The following RRAGD variants were observed in gnomAD, a reference collection of about 807,000 sequenced individuals.
RRAGD encodes Ras related GTP binding D.
A neutral mutation model predicts 35.5 loss-of-function variants in RRAGD; 12 were observed. The observed-to-expected ratio is 0.34, with a 90% CI of 0.22 to 0.55. The LOEUF (loss-of-function observed/expected upper bound fraction) is 0.55. Among genes scored for constraint, RRAGD ranks in the 20% least tolerant of loss-of-function variants. RRAGD has a pLI of 0.91. For missense variants in RRAGD, 324 were observed against 490.1 expected (o/e 0.66, Z 3.20); for synonymous variants, 155 against 178.9 (o/e 0.87, Z 1.07).
At chr6:89,391,636 T>C (rs1345471411) in intron 1 of RRAGD, among the ~76,000 whole-genome samples, 1 of 152,126 alleles carries the variant, frequency 6.6e-6, no homozygotes, top group Admixed American at 6.5e-5. Context: ...AACTGGTATG[T>C]AGTTTCTTTG....
chr6:89,407,868 C>G (rs149177653), intron 1 of RRAGD, among the ~76,000 whole-genome samples: 1 of 151,962 alleles, frequency 6.6e-6, no homozygotes, highest in Non-Finnish European at 1.5e-5. Context: ...TTCCATTAGA[C>G]TACCCTCTAT....
chr6:89,390,821 C>T (rs991921578), intron 1 of RRAGD, among the ~76,000 whole-genome samples: 4 of 152,090 alleles, frequency 2.6e-5, no homozygotes, highest in Non-Finnish European at 5.9e-5. Context: ...TCACTTGAAC[C>T]TGGGAGGCAG....
Position 89,396,643 on chromosome 6 carries a change from T to G in RRAGD, c.149-9053A>C, listed in dbSNP as rs191738083. On this transcript the variant is annotated intron_variant, in intron 1 of 6. Transcript: ENST00000369415. ...CATGTTGCCCAGGCTGGTCTTGAAC[T>G]CCTGGGCTCAAGCAATCCACCCACC... Among the ~76,000 whole-genome samples, 493 of 151,232 alleles carry G rather than the reference T, an allele frequency of 3.3e-3. 1 individual carries two copies. Among genetic ancestry groups the G allele is most frequent in the African/African-American group, 0.011 (459 of 41,084 alleles).
intron 1 of RRAGD, among the ~76,000 whole-genome samples, chr6:89,397,903 G>A (rs1281009434): frequency 6.6e-6 from 1 of 152,184 alleles, no homozygotes; most frequent in African/African-American, 2.4e-5. Flanking sequence ...TCCCAGCACT[G>A]TGGGAGGCCA....
intron 1 of RRAGD, among the ~76,000 whole-genome samples, chr6:89,408,556 T>C (rs1258927645): frequency 6.6e-6 from 1 of 152,134 alleles, no homozygotes; most frequent in Non-Finnish European, 1.5e-5. Context: ...TCACCCCATC[T>C]ACATCCTTCA....
chr6:89,389,168 A>G (rs181624468), intron 1 of RRAGD, among the ~76,000 whole-genome samples: 73 of 152,302 alleles, frequency 4.8e-4, no homozygotes, highest in African/African-American at 1.6e-3. Context: ...AGAAAGTTCT[A>G]GAGGCCAGCA....
At chr6:89,404,032 G>A (rs530194272) in intron 1 of RRAGD, among the ~76,000 whole-genome samples, 21 of 152,180 alleles carry the variant, frequency 1.4e-4, no homozygotes, top group Non-Finnish European at 2.6e-4. Flanking sequence ...TCCCATATGG[G>A]TTATTACACA....
At chr6:89,381,253 T>C (rs1003864745) in intron 2 of RRAGD, among the ~76,000 whole-genome samples, 8 of 152,230 alleles carry the variant, frequency 5.3e-5, no homozygotes, top group East Asian at 1.9e-4. Flanking sequence ...GTAAGTTTCC[T>C]CTAGAGAAAC....
intron 2 of RRAGD, among the ~76,000 whole-genome samples, chr6:89,381,607 T>G (rs1038039578): frequency 1.3e-5 from 2 of 152,222 alleles, no homozygotes; most frequent in African/African-American, 4.8e-5. Flanking sequence ...TTACATTGTT[T>G]AAAAATGGAA....
Position 89,368,160 on chromosome 6 carries a change from C to A in RRAGD, c.1099G>T (p.Val367Phe), listed in dbSNP as rs766421743. The change falls in exon 7 of 7, where the codon GTT (valine) becomes TTT (phenylalanine). Residue 367 changes from valine to phenylalanine, a missense_variant. By Grantham distance (50) the Val-to-Phe change is conservative. Transcript: ENST00000369415. ...ACTACTTTCATTCTCACCTCAAAAA[C>A]TTCATGAATGGCCTTCCGGAAGCAA... ...FHCFRKAIHEVFEVRMKVVKS... is the reference protein window; with the variant it reads ...FHCFRKAIHEFFEVRMKVVKS... 1.9e-6 allele frequency: 3 copies of A among 1,614,012 alleles called. No homozygotes were observed. The Admixed American group carries it at 5.0e-5, about 27-fold the overall frequency.
chr6:89,404,218 G>A (rs770494854), intron 1 of RRAGD, among the ~76,000 whole-genome samples: 10 of 152,134 alleles, frequency 6.6e-5, no homozygotes, highest in Non-Finnish European at 1.2e-4. Flanking sequence ...ACAAACACAC[G>A]ATTTTGCAGT....
chr6:89,370,976 A>C (rs936699775), intron 6 of RRAGD, among the ~76,000 whole-genome samples: 1 of 151,850 alleles, frequency 6.6e-6, no homozygotes, highest in African/African-American at 2.4e-5. Context: ...TAAACAATGT[A>C]AATTAAGTTT....
At chr6:89,377,895 C>T (rs956272087) in intron 4 of RRAGD, 82 bp from the exon 5 acceptor site, 2 of 1,014,642 alleles carry the variant, frequency 2.0e-6, no homozygotes, top group Non-Finnish European at 2.9e-6. Context: ...GAATGCCATT[C>T]TTAATGTAAA....
chr6:89,387,362 T>C lies in RRAGD; in HGVS notation c.377A>G (p.Asp126Gly). The change falls in exon 2 of 7, where the codon GAC becomes GGC. Residue 126 changes from aspartate (D) to glycine (G), a missense_variant. Coordinates refer to ENST00000369415, the MANE Select transcript of RRAGD (RefSeq NM_021244.5). ...WDFPGQIDFF[D>G]PTFDYEMIFR... ...GATCATCTCATAGTCAAATGTAGGGTCAAAAAAGTCAATCTGTCCTGGGAA... is the reference window on the plus strand; with the variant it reads ...GATCATCTCATAGTCAAATGTAGGGCCAAAAAAGTCAATCTGTCCTGGGAA... The C allele has an allele frequency of 3.7e-6, 6 of 1,614,058 alleles. No homozygotes were observed. The highest frequency in any genetic ancestry group is 5.1e-6 in the Non-Finnish European group (6 of 1,179,986).
At chr6:89,396,728 ATTTTTTTTTTTTTT>A (rs1160973684) in intron 1 of RRAGD, among the ~76,000 whole-genome samples, 1 of 76,392 alleles carries the variant, frequency 1.3e-5, no homozygotes, top group Non-Finnish European at 2.3e-5. Flanking sequence ...CAATGACCCA[ATTTTTTTTTTTTTT>A]TTTTTTTTTT....
Position 89,411,009 on chromosome 6 carries a change from AG to A in RRAGD, c.148+836del, listed in dbSNP as rs1769681824. 6.6e-6 allele frequency among the ~76,000 whole-genome samples: 1 copy of A among 152,228 alleles called. No homozygotes were observed. On this transcript the variant is annotated intron_variant, in intron 1 of 6. Transcript: ENST00000369415. This position sits in a 1 kb window ranked among gnomAD's most constrained non-coding sequence, Gnocchi z 5.6. ...CTCGCTTCTGAGGGAAACTAAAAAA[AG>A]TTTAACCTCTCTGGAATACTAAAAG...
chr6:89,403,238 A>G (rs1051268909), intron 1 of RRAGD, among the ~76,000 whole-genome samples: 3 of 152,098 alleles, frequency 2.0e-5, no homozygotes, highest in Admixed American at 1.3e-4. Context: ...TCAGGAGATC[A>G]ATCGAGACCA....
chr6:89,380,411 C>T (rs1769021996), intron 2 of RRAGD, 44 bp from the exon 3 acceptor site: 1 of 1,541,744 alleles, frequency 6.5e-7, no homozygotes, highest in Admixed American at 1.8e-5. Flanking sequence ...CGCTTTGCTT[C>T]CTGAGCCTCC....
At position 89,389,574 on chromosome 6, in the gene RRAGD, A is replaced by G. The variant is rs921987369; in HGVS notation, c.149-1984T>C. Among the ~76,000 whole-genome samples, 12 of 151,848 alleles carry G rather than the reference A, an allele frequency of 7.9e-5. No homozygotes were observed. In the South Asian group the frequency reaches 8.3e-4, roughly 11 times the overall value. ...CCGTCTCAAAAAAAAAAAAAAAAAAAAAGAAGTTGGTGTAACAGCTCAAAA... is the reference window on the plus strand; with the variant it reads ...CCGTCTCAAAAAAAAAAAAAAAAAAGAAGAAGTTGGTGTAACAGCTCAAAA... On this transcript the variant is annotated intron_variant, in intron 1 of 6. Coordinates refer to ENST00000369415, the MANE Select transcript of RRAGD (RefSeq NM_021244.5).
Sources: allele counts gnomAD v4.1 joint callset (sites outside exome capture counted in the v4.1 genomes callset), GRCh38; gene constraint gnomAD v4.1.1; non-coding constraint Gnocchi (gnomAD v3.1); transcripts MANE v1.5; gene names NCBI Gene and HGNC (gene_info 2026-07-23, HGNC 2026-07-21).